Variants in METTL25 observed in about 807,000 individuals in gnomAD.
METTL25 encodes probable methyltransferase-like protein 25.
Under a neutral mutation model 71.6 loss-of-function variants are expected in METTL25, and 64 were observed. The observed-to-expected ratio is 0.89, with a 90% CI of 0.73 to 1.10. METTL25 has a LOEUF of 1.10. Among genes scored for constraint, METTL25 ranks in the 50% least tolerant of loss-of-function variants. METTL25 has a pLI of 0.00. For synonymous variants in METTL25, 287 were observed against 250.3 expected (o/e 1.15, Z -1.38); for missense variants, 807 against 707.0 (o/e 1.14, Z -1.60).
chr12:82,458,856 C>G (rs774542941), intron 9 of METTL25, among the ~76,000 whole-genome samples: 1 of 151,974 alleles, frequency 6.6e-6, no homozygotes, highest in Non-Finnish European at 1.5e-5. Context: ...AAGAAAATAT[C>G]CAACTCCAGC....
At chr12:82,367,184 A>G (rs916127432) in intron 1 of METTL25, among the ~76,000 whole-genome samples, 4 of 151,912 alleles carry the variant, frequency 2.6e-5, no homozygotes, top group Non-Finnish European at 5.9e-5. Flanking sequence ...CATCTGTTGC[A>G]TTTTTCCTCA....
chr12:82,461,142 C>T (rs546644007), intron 9 of METTL25, among the ~76,000 whole-genome samples: 1 of 151,554 alleles, frequency 6.6e-6, no homozygotes, highest in South Asian at 2.1e-4. Flanking sequence ...GACTCCGTCT[C>T]CAAAAAAATA....
chr12:82,424,688 A>T (rs753989826), intron 5 of METTL25, among the ~76,000 whole-genome samples: 1 of 152,092 alleles, frequency 6.6e-6, no homozygotes, highest in Non-Finnish European at 1.5e-5. Flanking sequence ...ACTTCAGAAT[A>T]TGACCTTATC....
chr12:82,387,982 A>T (rs1885212959), intron 2 of METTL25, among the ~76,000 whole-genome samples: 1 of 152,072 alleles, frequency 6.6e-6, no homozygotes, highest in Non-Finnish European at 1.5e-5. Flanking sequence ...GTCTAGGCTC[A>T]TACCTGGCAT....
rs367740693 is a variant in METTL25 at position 82,358,778 on chromosome 12, C to T, written c.213C>T (p.Ala71=). 3 of 1,613,654 alleles carry T rather than the reference C, an allele frequency of 1.9e-6. No individual in the cohort carries two copies. The highest frequency in any genetic ancestry group is 2.5e-6 in the Non-Finnish European group (3 of 1,179,924). The part of the protein sequence containing the change: ...ALRKSASETE[A]LPSETRPLVE... ...GGAAGTCAGCGTCGGAGACGGAGGC[C>T]CTGCCCTCAGAGACGCGCCCCCTAG... Residue 71 remains alanine, a synonymous_variant, in exon 1 of 12, where the codon GCC becomes GCT. Transcript: ENST00000248306.
chr12:82,387,241 A>G (rs1256365140), intron 2 of METTL25, among the ~76,000 whole-genome samples: 1 of 152,100 alleles, frequency 6.6e-6, no homozygotes, highest in Non-Finnish European at 1.5e-5. Flanking sequence ...CACAGATCAC[A>G]GTGAGCTACT....
At chr12:82,463,012 G>T (rs947511797) in intron 9 of METTL25, among the ~76,000 whole-genome samples, 1 of 151,870 alleles carries the variant, frequency 6.6e-6, no homozygotes, top group African/African-American at 2.4e-5. Context: ...ATTATGTATA[G>T]TGATTAGACC....
chr12:82,368,160 C>G (rs1172124883), intron 1 of METTL25, among the ~76,000 whole-genome samples: 1 of 151,966 alleles, frequency 6.6e-6, no homozygotes, highest in African/African-American at 2.4e-5. Flanking sequence ...CTCTGATTAG[C>G]TGTGTTATCT....
At chr12:82,451,506 CT>C (rs1357243740) in intron 8 of METTL25, among the ~76,000 whole-genome samples, 2 of 152,114 alleles carry the variant, frequency 1.3e-5, no homozygotes, top group Non-Finnish European at 1.5e-5. Context: ...CTAAAAAGTA[CT>C]TACAACAATG....
At chr12:82,471,248 A>C (rs1425653598) in intron 9 of METTL25, among the ~76,000 whole-genome samples, 1 of 152,238 alleles carries the variant, frequency 6.6e-6, no homozygotes, top group Non-Finnish European at 1.5e-5. Context: ...TTCTCTGAAA[A>C]GACTTGGCTA....
At chr12:82,453,246 C>T (rs1891270465) in intron 8 of METTL25, among the ~76,000 whole-genome samples, 1 of 151,956 alleles carries the variant, frequency 6.6e-6, no homozygotes, top group South Asian at 2.1e-4. Flanking sequence ...ATTCTGTTTC[C>T]TTAATTATAG....
At chr12:82,403,282 CG>C in intron 5 of METTL25, 152 bp downstream of exon 5, 1 of 703,306 alleles carries the variant, frequency 1.4e-6, no homozygotes, top group Non-Finnish European at 2.3e-6. Flanking sequence ...TTTAGTGTTA[CG>C]GTGTTATTGA....
At chr12:82,364,880 C>T (rs1258566321) in intron 1 of METTL25, among the ~76,000 whole-genome samples, 1 of 152,036 alleles carries the variant, frequency 6.6e-6, no homozygotes, top group Non-Finnish European at 1.5e-5. Flanking sequence ...TGTCTGTTGG[C>T]TTGTCTGTAT....
intron 8 of METTL25, among the ~76,000 whole-genome samples, chr12:82,440,372 A>G (rs533458692): frequency 6.6e-6 from 1 of 152,118 alleles, no homozygotes; most frequent in South Asian, 2.1e-4. Flanking sequence ...TACATCAGTC[A>G]GCTACCTCCA....
At chr12:82,408,137 G>A (rs907953481) in intron 5 of METTL25, among the ~76,000 whole-genome samples, 5 of 152,128 alleles carry the variant, frequency 3.3e-5, no homozygotes, top group African/African-American at 1.2e-4. Context: ...CTGATGAACA[G>A]CATGGTTGAA....
intron 9 of METTL25, among the ~76,000 whole-genome samples, chr12:82,471,885 TTGA>T (rs1162194970): frequency 7.2e-5 from 11 of 152,182 alleles, no homozygotes; most frequent in African/African-American, 2.4e-4. Context: ...TTTGAAAAAG[TTGA>T]TGAGAAATTT....
At chr12:82,478,875 G>T (rs574851927) in intron 11 of METTL25, 57 bp from the exon 12 acceptor site, 1 of 1,331,104 alleles carries the variant, frequency 7.5e-7, no homozygotes, top group South Asian at 1.2e-5. Context: ...TCCAACTCGC[G>T]TCTAATTTTT....
chr12:82,372,270 T>C (rs1228679953), intron 1 of METTL25, among the ~76,000 whole-genome samples: 1 of 152,152 alleles, frequency 6.6e-6, no homozygotes, highest in East Asian at 1.9e-4. Flanking sequence ...TTGGGCCAAA[T>C]TCCCTTCCCC....
intron 1 of METTL25, among the ~76,000 whole-genome samples, chr12:82,380,152 A>G (rs1219967033): frequency 6.6e-6 from 1 of 152,076 alleles, no homozygotes; most frequent in African/African-American, 2.4e-5. Context: ...AAATATAGTT[A>G]ATTGTTCCCC....
Sources: allele counts gnomAD v4.1 joint callset (sites outside exome capture counted in the v4.1 genomes callset), GRCh38; gene constraint gnomAD v4.1.1; transcripts MANE v1.5; gene names NCBI Gene and HGNC (gene_info 2026-07-23, HGNC 2026-07-21).